The following SERGEF variants were observed in gnomAD, a reference collection of about 807,000 sequenced individuals.
The protein encoded by SERGEF is secretion-regulating guanine nucleotide exchange factor.
A neutral mutation model predicts 50.0 loss-of-function variants in SERGEF; 51 were observed. The ratio of observed to expected loss-of-function variants is 1.02; its 90% CI spans 0.81 to 1.29. The LOEUF (loss-of-function observed/expected upper bound fraction) is 1.29. Among genes scored for constraint, SERGEF ranks in the 50% most tolerant of loss-of-function variants. The pLI is 0.00. For synonymous variants in SERGEF, 205 were observed against 212.4 expected (o/e 0.97, Z 0.30); for missense variants, 521 against 557.0 (o/e 0.94, Z 0.65).
chr11:17,992,771 A>G (rs1277364819), intron 7 of SERGEF, among the ~76,000 whole-genome samples, 160 bp downstream of exon 7: 1 of 152,224 alleles, frequency 6.6e-6, no homozygotes, highest in Non-Finnish European at 1.5e-5. Flanking sequence ...AGATGGTCTC[A>G]GAAAGGAAAA....
chr11:17,882,418 CA>C lies in SERGEF; in HGVS notation c.1012-4175del, dbSNP rs770460948. On this transcript the variant is annotated intron_variant, in intron 9 of 10. Coordinates refer to ENST00000265965, the MANE Select transcript of SERGEF (RefSeq NM_012139.4). ...TGGGCAACAGAGCAAGAGTCAGTCT[CA>C]AAAAAAAAAAAAAAAAAGAAAAAAA... Among the ~76,000 whole-genome samples, 364 of 68,196 alleles carry C rather than the reference CA, an allele frequency of 5.3e-3. 1 individual carries two copies. Among genetic ancestry groups the C allele is most frequent in the South Asian group, 8.8e-3 (17 of 1,942 alleles). 44.7% of individuals were successfully genotyped at this position (68,196 alleles called of 152,430 possible).
chr11:18,012,896 C>G, intron 1 of SERGEF, 55 bp downstream of exon 1: 1 of 1,535,154 alleles, frequency 6.5e-7, no homozygotes, highest in Non-Finnish European at 8.7e-7. Context: ...GCCAGCAGCT[C>G]CCACATCTCG....
intron 10 of SERGEF, among the ~76,000 whole-genome samples, chr11:17,836,346 G>A (rs1232981520): frequency 6.6e-6 from 1 of 152,208 alleles, no homozygotes; most frequent in African/African-American, 2.4e-5. Context: ...TATGGGCCAA[G>A]GGCATCCACT....
chr11:17,891,599 C>T (rs1051347069), intron 9 of SERGEF, among the ~76,000 whole-genome samples: 3 of 152,264 alleles, frequency 2.0e-5, no homozygotes, highest in East Asian at 1.9e-4. Flanking sequence ...TTTGTAGGGA[C>T]GTGGTAGGTG....
At chr11:17,971,390 C>T (rs1853246658) in intron 8 of SERGEF, among the ~76,000 whole-genome samples, 1 of 152,144 alleles carries the variant, frequency 6.6e-6, no homozygotes, top group Non-Finnish European at 1.5e-5. Context: ...CTATCTAGGG[C>T]TAATGCAGCT....
At chr11:17,847,859 G>A (rs1850642882) in intron 10 of SERGEF, among the ~76,000 whole-genome samples, 1 of 152,152 alleles carries the variant, frequency 6.6e-6, no homozygotes, top group Admixed American at 6.5e-5. Context: ...CTAGGGGCCA[G>A]GGTATCTGCA....
chr11:17,879,908 A>G (rs1851307536), intron 9 of SERGEF, among the ~76,000 whole-genome samples: 1 of 152,232 alleles, frequency 6.6e-6, no homozygotes, highest in Non-Finnish European at 1.5e-5. Flanking sequence ...GATTCTCTTA[A>G]TTCTCCCACA....
chr11:17,956,273 G>C (rs890352974), intron 9 of SERGEF, among the ~76,000 whole-genome samples: 2 of 152,172 alleles, frequency 1.3e-5, no homozygotes, highest in Non-Finnish European at 2.9e-5. Flanking sequence ...ACCCAGCAAA[G>C]GGTTCCACCC....
chr11:17,861,143 G>A (rs1020172026), intron 10 of SERGEF, among the ~76,000 whole-genome samples: 3 of 152,178 alleles, frequency 2.0e-5, no homozygotes, highest in African/African-American at 7.2e-5. Flanking sequence ...GAATAGAGGA[G>A]CAAGAGAGAT....
chr11:17,861,483 T>G (rs1300487474), intron 10 of SERGEF, among the ~76,000 whole-genome samples: 2 of 152,244 alleles, frequency 1.3e-5, no homozygotes, highest in Non-Finnish European at 2.9e-5. Context: ...GGGCAAATCA[T>G]GCAATCCTTC....
At chr11:17,956,824 C>T (rs970450769) in intron 9 of SERGEF, among the ~76,000 whole-genome samples, 5 of 152,192 alleles carry the variant, frequency 3.3e-5, no homozygotes, top group African/African-American at 1.2e-4. Flanking sequence ...TGTTCCTGCA[C>T]CTCCAGGTAT....
chr11:17,916,343 A>T (rs1852048017), intron 9 of SERGEF, among the ~76,000 whole-genome samples: 1 of 152,216 alleles, frequency 6.6e-6, no homozygotes, highest in Non-Finnish European at 1.5e-5. Flanking sequence ...TTTCAGTGTC[A>T]AATTTATTAT....
chr11:17,996,979 G>A (rs561433104), intron 5 of SERGEF, among the ~76,000 whole-genome samples: 3 of 152,202 alleles, frequency 2.0e-5, no homozygotes. Context: ...GCTGACATGG[G>A]AGGATTGCTT....
At chr11:17,957,924 T>C (rs1852909628) in intron 9 of SERGEF, among the ~76,000 whole-genome samples, 1 of 152,150 alleles carries the variant, frequency 6.6e-6, no homozygotes, top group African/African-American at 2.4e-5. Flanking sequence ...TCATAAATGC[T>C]ATTGGTACAA....
chr11:18,010,946 T>A (rs1344380120), intron 1 of SERGEF, among the ~76,000 whole-genome samples: 3 of 152,146 alleles, frequency 2.0e-5, no homozygotes, highest in African/African-American at 7.2e-5. Flanking sequence ...GCTGAACACC[T>A]GGGAGAAAAG....
At chr11:17,919,122 T>C (rs1224072203) in intron 9 of SERGEF, among the ~76,000 whole-genome samples, 4 of 152,212 alleles carry the variant, frequency 2.6e-5, no homozygotes, top group Admixed American at 2.6e-4. Context: ...TGAATTGGTA[T>C]TATAATTATT....
intron 9 of SERGEF, among the ~76,000 whole-genome samples, chr11:17,924,907 T>C (rs1478238180): frequency 6.6e-6 from 1 of 152,172 alleles, no homozygotes; most frequent in Non-Finnish European, 1.5e-5. Flanking sequence ...CTGAAAACTT[T>C]GACCGCATGA....
chr11:17,811,779 C>G (rs1490134018), intron 10 of SERGEF, among the ~76,000 whole-genome samples: 2 of 152,220 alleles, frequency 1.3e-5, no homozygotes, highest in Non-Finnish European at 2.9e-5. Context: ...GAAACAAATT[C>G]AGTCCTTCAA....
intron 10 of SERGEF, among the ~76,000 whole-genome samples, chr11:17,797,844 C>T (rs1849597392): frequency 6.6e-6 from 1 of 152,224 alleles, no homozygotes; most frequent in Admixed American, 6.5e-5. Flanking sequence ...TTGTAGCTCG[C>T]TATCAGGAAG....
Sources: allele counts gnomAD v4.1 joint callset (sites outside exome capture counted in the v4.1 genomes callset), GRCh38; gene constraint gnomAD v4.1.1; transcripts MANE v1.5; gene names NCBI Gene and HGNC (gene_info 2026-07-23, HGNC 2026-07-21).